Variants in ADNP2 observed in about 807,000 individuals in gnomAD.
ADNP2 encodes activity-dependent neuroprotector homeobox protein 2.
A neutral mutation model predicts 16.4 loss-of-function variants in ADNP2; 8 were observed. That is an observed-to-expected ratio of 0.49 (90% CI 0.29 to 0.88). The LOEUF is 0.88. Among genes scored for constraint, ADNP2 ranks in the 40% least tolerant of loss-of-function variants. The pLI is 0.09. For missense variants in ADNP2, 1,397 were observed against 1,395.1 expected (o/e 1.00, Z -0.02); for synonymous variants, 637 against 545.8 (o/e 1.17, Z -2.33).
At chr18:80,115,246 T>C (rs910224863) in intron 1 of ADNP2, among the ~76,000 whole-genome samples, 1 of 152,230 alleles carries the variant, frequency 6.6e-6, no homozygotes, top group Non-Finnish European at 1.5e-5. Context: ...TGGTTACTTC[T>C]GTGTTCTGTT....
intron 1 of ADNP2, among the ~76,000 whole-genome samples, chr18:80,116,944 C>T (rs1208826368): frequency 6.6e-6 from 1 of 152,204 alleles, no homozygotes; most frequent in Non-Finnish European, 1.5e-5. Flanking sequence ...TGTTCCCTGC[C>T]TGAGCATCTT....
At chr18:80,133,836 T>C (rs886254145) in intron 3 of ADNP2, 2 of 147,664 alleles carry the variant, frequency 1.4e-5, no homozygotes, top group African/African-American at 4.9e-5. Flanking sequence ...TTGTCAGAAT[T>C]TTTTTTTTTT....
rs150337983 is a variant in ADNP2, at chr18:80,136,028, T to C, written c.615T>C (p.Ser205=). Residue 205 remains serine, a synonymous_variant, in exon 4 of 4, where the codon TCT becomes TCC. Coordinates refer to ENST00000262198, the MANE Select transcript of ADNP2 (RefSeq NM_014913.4). ...GEQPKTNDTV[S]IEKIPPPDKY... ...AACCGAAAACTAACGATACTGTTTC[T>C]ATAGAGAAGATCCCACCACCTGACA... is the stretch of plus-strand genomic sequence containing the variant. 9.4e-5 allele frequency: 151 copies of C among 1,614,246 alleles called. No homozygotes were observed. Among genetic ancestry groups the C allele is most frequent in the Non-Finnish European group, 1.2e-4 (139 of 1,180,050 alleles).
chr18:80,137,149 A>AT lies in ADNP2; in HGVS notation c.1737dup (p.Gln580SerfsTer138). On this transcript the variant is annotated frameshift_variant, in exon 4 of 4. Transcript: ENST00000262198. LOFTEE classifies it low-confidence loss of function (END_TRUNC). This position sits in a 1 kb window ranked among gnomAD's most constrained non-coding sequence, Gnocchi z 4.2. ...GTGGGCACCAACATTCTGCCTGTGAATCAGCCAGTGAGACCTGGTGCTTCG... is the reference window on the plus strand; with the variant it reads ...GTGGGCACCAACATTCTGCCTGTGAATTCAGCCAGTGAGACCTGGTGCTTCG... 1 of 1,614,198 alleles carries AT rather than the reference A, an allele frequency of 6.2e-7. No individual in the cohort carries two copies. The highest frequency in any genetic ancestry group is 8.5e-7 in the Non-Finnish European group (1 of 1,180,028).
rs1394866081 is a variant in ADNP2, at chr18:80,139,683, A to G, written c.*874A>G. On this transcript the variant is annotated 3_prime_UTR_variant, in exon 4 of 4. Coordinates refer to ENST00000262198, the MANE Select transcript of ADNP2 (RefSeq NM_014913.4). ...CTCTTCTCCTAACTTAACTACTCAT[A>G]AACTAGTGAAAGGGAAGGTCTATGA... is the stretch of plus-strand genomic sequence containing the variant. The G allele has an allele frequency of 6.6e-6, 1 of 152,578 alleles. No individual in the cohort carries two copies. The highest frequency in any genetic ancestry group is 2.4e-5 in the African/African-American group (1 of 41,428). The allele number at this position is 152,578 out of a possible 1,614,324, so 9.5% of individuals were successfully genotyped here.
rs1374887048 is a variant in ADNP2 at position 80,136,354 on chromosome 18, G to A, written c.941G>A (p.Gly314Asp). 2 of 1,614,098 alleles carry A rather than the reference G, an allele frequency of 1.2e-6. No homozygotes were observed. The highest frequency in any genetic ancestry group is 1.7e-6 in the Non-Finnish European group (2 of 1,180,046). Residue 314 changes from glycine (G) to aspartate (D), a missense_variant, in exon 4 of 4, where the codon GGT (glycine) becomes GAT (aspartate). This residue lies in a region of ADNP2 where 777 missense variants were observed against 719.4 expected (regional missense o/e 1.08). Transcript: ENST00000262198. Reference protein sequence around the residue: ...AAGQPVTVAQGAPGSLTHSPP... With the variant: ...AAGQPVTVAQDAPGSLTHSPP... ...GGACAGCCAGTGACTGTGGCCCAGGGTGCCCCTGGAAGCCTCACTCATTCC... is the reference window on the plus strand; with the variant it reads ...GGACAGCCAGTGACTGTGGCCCAGGATGCCCCTGGAAGCCTCACTCATTCC...
At chr18:80,109,766 A>T (rs1279302044) in intron 1 of ADNP2, 2 of 149,352 alleles carry the variant, frequency 1.3e-5, no homozygotes, top group Non-Finnish European at 3.0e-5. Flanking sequence ...GGAGAAGGGG[A>T]TGGGGACCTG....
chr18:80,136,593 C>CA lies in ADNP2; in HGVS notation c.1181dup (p.Thr395AspfsTer152), dbSNP rs2052536998. The CA allele has an allele frequency of 6.2e-7, 1 of 1,614,104 alleles. No homozygotes were observed. Among genetic ancestry groups the CA allele is most frequent in the South Asian group, 1.1e-5 (1 of 91,088 alleles). ...TGGAACTAGTGTCCTCCCCATAAAT[C>CA]AGACTGTTCGCCCTGGGGTTTTACC... On this transcript the variant is annotated frameshift_variant, in exon 4 of 4. Transcript: ENST00000262198. LOFTEE classifies it low-confidence loss of function (END_TRUNC).
chr18:80,138,332 T>G lies in ADNP2; in HGVS notation c.2919T>G (p.Ser973Arg), dbSNP rs779178103. ...GTGGTGAAGTGATGCATGATTCCAG[T>G]TTTTCTGTTAAGAGAAAGCTGCCTG... ...LVSGEVMHDS[S>R]FSVKRKLPDG... is the part of the protein sequence containing the mutation. Residue 973 changes from serine to arginine, a missense_variant, in exon 4 of 4, where the codon AGT (serine) becomes AGG (arginine). By Grantham distance (110) the Ser-to-Arg change is moderately radical (BLOSUM62 -1). This residue lies in a region of ADNP2 where 611 missense variants were observed against 648.7 expected (regional missense o/e 0.94). Coordinates refer to ENST00000262198, the MANE Select transcript of ADNP2 (RefSeq NM_014913.4). 14 of 1,614,120 alleles carry G rather than the reference T, an allele frequency of 8.7e-6. No individual in the cohort carries two copies. The highest frequency in any genetic ancestry group is 1.2e-5 in the Non-Finnish European group (14 of 1,180,034).
intron 1 of ADNP2, among the ~76,000 whole-genome samples, chr18:80,116,034 G>T (rs1032002921): frequency 2.0e-5 from 3 of 152,062 alleles, no homozygotes; most frequent in African/African-American, 7.2e-5. Flanking sequence ...CAAAGTGCTG[G>T]GATTACAGGT....
intron 1 of ADNP2, among the ~76,000 whole-genome samples, chr18:80,115,722 G>A (rs2145191623): frequency 6.6e-6 from 1 of 152,256 alleles, no homozygotes; most frequent in Non-Finnish European, 1.5e-5. Context: ...AGTTCAGAAC[G>A]AAGAAGCCCT....
chr18:80,110,174 C>G (rs190208046), intron 1 of ADNP2, among the ~76,000 whole-genome samples: 392 of 152,324 alleles, frequency 2.6e-3, no homozygotes, highest in African/African-American at 9.1e-3. Context: ...TTTAACATTA[C>G]TTTTCATCTG....
intron 2 of ADNP2, among the ~76,000 whole-genome samples, chr18:80,132,790 G>C (rs1304015082): frequency 6.6e-6 from 1 of 151,294 alleles, no homozygotes; most frequent in African/African-American, 2.4e-5. Context: ...CTTGAGTGCA[G>C]CTCACTGCAA....
intron 1 of ADNP2, among the ~76,000 whole-genome samples, chr18:80,112,455 A>G (rs1027470129): frequency 1.3e-5 from 2 of 151,616 alleles, no homozygotes; most frequent in African/African-American, 2.4e-5. Flanking sequence ...GGAGGGGGGA[A>G]CTTTTCCCCC....
chr18:80,115,757 C>T (rs751126140), intron 1 of ADNP2, among the ~76,000 whole-genome samples: 4 of 152,148 alleles, frequency 2.6e-5, no homozygotes, highest in Non-Finnish European at 5.9e-5. Flanking sequence ...CCAGTTCTCC[C>T]AGCCCTGGCA....
intron 2 of ADNP2, among the ~76,000 whole-genome samples, chr18:80,127,731 G>A (rs1423602864): frequency 1.3e-5 from 2 of 152,184 alleles, no homozygotes; most frequent in African/African-American, 4.8e-5. Context: ...AAGACACTTG[G>A]AATTTTTAAG....
chr18:80,120,359 T>C (rs1599808211), intron 2 of ADNP2, among the ~76,000 whole-genome samples: 1 of 142,406 alleles, frequency 7.0e-6, no homozygotes, highest in South Asian at 2.2e-4. Flanking sequence ...TGAGACAGGG[T>C]CTCGCTCTTT....
intron 2 of ADNP2, 123 bp downstream of exon 2, chr18:80,117,773 C>G (rs2052398970): frequency 3.0e-6 from 2 of 657,824 alleles, no homozygotes; most frequent in African/African-American, 1.9e-5. Flanking sequence ...GTGTGAAAGC[C>G]TCATTAGTAC....
Position 80,139,099 on chromosome 18 carries a change from C to G in ADNP2, c.*290C>G. 3.6e-6 allele frequency: 1 copy of G among 279,882 alleles called. No individual in the cohort carries two copies. Among genetic ancestry groups the G allele is most frequent in the East Asian group, 6.2e-5 (1 of 16,176 alleles). 17.3% of individuals were successfully genotyped at this position (279,882 alleles called of 1,614,324 possible). A position where few individuals can be genotyped will look rare whatever the true frequency, so the allele number is the denominator to read the frequency against. The stretch of plus-strand genomic sequence containing the variant: ...ATTTCATGCACGCCTTGTTTTCCCA[C>G]TAGTGTCAGTATCGTATGATAAGAA... On this transcript the variant is annotated 3_prime_UTR_variant, in exon 4 of 4. Coordinates refer to ENST00000262198, the MANE Select transcript of ADNP2 (RefSeq NM_014913.4).
Sources: allele counts gnomAD v4.1 joint callset (sites outside exome capture counted in the v4.1 genomes callset), GRCh38; gene constraint gnomAD v4.1.1; regional missense constraint gnomAD v4.1.1; non-coding constraint Gnocchi (gnomAD v3.1); transcripts MANE v1.5; gene names NCBI Gene and HGNC (gene_info 2026-07-23, HGNC 2026-07-21).